The following EPM2A variants were observed in gnomAD, a reference collection of about 807,000 sequenced individuals.
EPM2A encodes laforin.
In EPM2A, 21 loss-of-function variants were observed where a neutral mutation model predicts 26.5. That is an observed-to-expected ratio of 0.79 (90% CI 0.56 to 1.14). EPM2A has a LOEUF of 1.14. Ranked by LOEUF, EPM2A falls within the 50% of genes most tolerant of loss-of-function variation. The pLI, the probability that EPM2A is intolerant of heterozygous loss-of-function variation, is 0.00. For missense variants in EPM2A, 458 were observed against 440.8 expected, an observed-to-expected ratio of 1.04 and a Z score of -0.35; for synonymous variants, 217 against 177.6, an observed-to-expected ratio of 1.22 and a Z score of -1.76.
At chr6:145,679,926 C>T (rs557334881) in intron 2 of EPM2A, among the ~76,000 whole-genome samples, 12 of 151,956 alleles carry the variant, frequency 7.9e-5, no homozygotes, top group African/African-American at 2.2e-4. Context: ...TGAAAAATAA[C>T]GCATTACTAT....
intron 4 of EPM2A, among the ~76,000 whole-genome samples, chr6:145,473,175 G>C (rs954132944): frequency 2.6e-5 from 4 of 151,796 alleles, no homozygotes; most frequent in African/African-American, 4.8e-5. Context: ...AAGGAATTCA[G>C]AATTCTATCA....
downstream of EPM2A, among the ~76,000 whole-genome samples, chr6:145,623,791 C>T (rs1306561239): frequency 6.6e-6 from 1 of 152,122 alleles, no homozygotes; most frequent in Non-Finnish European, 1.5e-5. Context: ...CTTGGGATCA[C>T]ATTGGCTCTG....
intron 2 of EPM2A, among the ~76,000 whole-genome samples, chr6:145,643,854 AT>A (rs1199590467): frequency 1.3e-5 from 2 of 149,254 alleles, no homozygotes; most frequent in African/African-American, 2.5e-5. Flanking sequence ...AAAAAAAAAA[AT>A]AGTTTTGGAT....
intron 2 of EPM2A, among the ~76,000 whole-genome samples, chr6:145,515,474 C>A (rs1306192278): frequency 6.6e-6 from 1 of 152,132 alleles, no homozygotes; most frequent in East Asian, 1.9e-4. Context: ...ACTGAGAAGT[C>A]CAAGATCAAG....
intron 2 of EPM2A, among the ~76,000 whole-genome samples, chr6:145,618,345 TATAAGA>T (rs1330422458): frequency 6.6e-6 from 1 of 152,212 alleles, no homozygotes; most frequent in African/African-American, 2.4e-5. Flanking sequence ...GGGAGATGGT[TATAAGA>T]ATGACAACAG....
intron 2 of EPM2A, among the ~76,000 whole-genome samples, chr6:145,576,774 A>G (rs1480026676): frequency 1.3e-5 from 2 of 152,176 alleles, no homozygotes; most frequent in Non-Finnish European, 2.9e-5. Flanking sequence ...TGTGTAAAAC[A>G]TTCATATATT....
At chr6:145,490,908 A>G in intron 4 of EPM2A, 1 of 728,586 alleles carries the variant, frequency 1.4e-6, no homozygotes. Context: ...GCTAGAGCAG[A>G]ATCATTAGAG....
intron 1 of EPM2A, among the ~76,000 whole-genome samples, chr6:145,710,147 C>G (rs1054422072): frequency 1.3e-5 from 2 of 152,018 alleles, no homozygotes; most frequent in African/African-American, 4.8e-5. Flanking sequence ...AGCTTCTGCA[C>G]AGCAAAAGAA....
At chr6:145,383,813 G>A (rs1052356807) in exon 5 of EPM2A, 7 of 152,120 alleles carry the variant, frequency 4.6e-5, no homozygotes, top group African/African-American at 1.7e-4. Flanking sequence ...CTAGAACATA[G>A]AAACATATGA....
At chr6:145,491,270 G>A (rs1779751360) in intron 4 of EPM2A, 1 of 364,664 alleles carries the variant, frequency 2.7e-6, no homozygotes, top group Non-Finnish European at 5.3e-6. Flanking sequence ...CACCAGCTGA[G>A]GCAAACTCTA....
At chr6:145,687,708 C>CA (rs1359306753) in intron 1 of EPM2A, among the ~76,000 whole-genome samples, 2 of 152,126 alleles carry the variant, frequency 1.3e-5, no homozygotes, top group Admixed American at 6.5e-5. Context: ...CGTAAGCTCT[C>CA]AAAAAATCCT....
At chr6:145,525,351 G>C (rs1780256937) in intron 2 of EPM2A, among the ~76,000 whole-genome samples, 1 of 151,910 alleles carries the variant, frequency 6.6e-6, no homozygotes, top group Admixed American at 6.6e-5. Context: ...AATGACACTG[G>C]TAGTTTGATA....
chr6:145,474,202 C>T lies in EPM2A; in HGVS notation c.555+28320G>A, dbSNP rs145459598. Among the ~76,000 whole-genome samples the T allele has an allele frequency of 3.1e-3, 472 of 152,228 alleles. 4 individuals are homozygous for T. The highest frequency in any genetic ancestry group is 0.011 in the African/African-American group (456 of 41,550). On this transcript the variant is annotated intron_variant, in intron 4 of 4. Coordinates refer to the EPM2A transcript ENST00000638717. ...ATGGGACCAGCGTGGTGGCTCATGCCTGTAATCCCAGCACTTTGGGAAGCC... is the reference window on the plus strand; with the variant it reads ...ATGGGACCAGCGTGGTGGCTCATGCTTGTAATCCCAGCACTTTGGGAAGCC...
chr6:145,558,284 G>A (rs1314273884), intron 2 of EPM2A, among the ~76,000 whole-genome samples: 2 of 152,012 alleles, frequency 1.3e-5, no homozygotes, highest in Non-Finnish European at 2.9e-5. Context: ...ATGGAACTGT[G>A]AGTCCATTAA....
chr6:145,395,383 G>C (rs189362074), intron 4 of EPM2A, among the ~76,000 whole-genome samples: 1 of 152,118 alleles, frequency 6.6e-6, no homozygotes, highest in Non-Finnish European at 1.5e-5. Context: ...AAATGCCTTG[G>C]GAATCCTAAT....
chr6:145,692,127 G>A (rs1379187367), intron 1 of EPM2A, among the ~76,000 whole-genome samples: 1 of 151,832 alleles, frequency 6.6e-6, no homozygotes, highest in Non-Finnish European at 1.5e-5. Context: ...CTAGAGAGGG[G>A]AAATTATACA....
At chr6:145,668,747 T>C (rs564905787) in intron 2 of EPM2A, among the ~76,000 whole-genome samples, 11 of 152,306 alleles carry the variant, frequency 7.2e-5, no homozygotes, top group African/African-American at 2.2e-4. Context: ...GAGATGACTT[T>C]TCCCTCATAG....
At chr6:145,566,894 A>T (rs1780890910) in intron 2 of EPM2A, among the ~76,000 whole-genome samples, 1 of 152,228 alleles carries the variant, frequency 6.6e-6, no homozygotes, top group Non-Finnish European at 1.5e-5. Flanking sequence ...GCCTGTGTCA[A>T]ATTCATTCTC....
rs367827948 is a variant in EPM2A at position 145,635,368 on chromosome 6, C to A, written c.595G>T (p.Val199Leu). The A allele has an allele frequency of 1.1e-4, 175 of 1,614,044 alleles. No individual in the cohort carries two copies. The highest frequency in any genetic ancestry group is 1.4e-4 in the Non-Finnish European group (167 of 1,180,032). ...VMNFQTEWDIVQNSSGCNRYP... is the reference protein window; with the variant it reads ...VMNFQTEWDILQNSSGCNRYP... ...CGGTTACAGCCTGAGGAATTCTGTACAATATCCCATTCAGTCTGGAAATTC... is the reference window on the plus strand; with the variant it reads ...CGGTTACAGCCTGAGGAATTCTGTAAAATATCCCATTCAGTCTGGAAATTC... Residue 199 changes from valine (V) to leucine (L), a missense_variant, in exon 3 of 4, where the codon GTA (valine) becomes TTA (leucine). By Grantham distance (32) the Val-to-Leu change is conservative (BLOSUM62 1). Coordinates refer to ENST00000367519, the MANE Select transcript of EPM2A (RefSeq NM_005670.4).
Sources: gnomAD v4.1 joint callset for allele counts (sites outside exome capture counted in the v4.1 genomes callset) on GRCh38, gnomAD v4.1.1 for gene constraint, MANE v1.5 for transcripts, NCBI Gene and HGNC (gene_info 2026-07-23, HGNC 2026-07-21) for gene names.